The following ARL15 variants were observed in gnomAD, a reference collection of about 807,000 sequenced individuals.
ARL15 encodes ADP-ribosylation factor-like protein 15.
A neutral mutation model predicts 25.2 loss-of-function variants in ARL15; 19 were observed. The ratio of observed to expected loss-of-function variants is 0.75; its 90% CI spans 0.53 to 1.10. The LOEUF (loss-of-function observed/expected upper bound fraction) is 1.10, where lower values mean the gene tolerates loss of function less well. ARL15 is among the 50% of genes least tolerant of loss of function. The pLI is 0.00. For synonymous variants in ARL15, 94 were observed against 86.8 expected, an observed-to-expected ratio of 1.08 and a Z score of -0.46; for missense variants, 220 against 246.0, an observed-to-expected ratio of 0.89 and a Z score of 0.71.
chr5:54,308,658 A>C (rs1402534691), intron 1 of ARL15, among the ~76,000 whole-genome samples: 6 of 152,222 alleles, frequency 3.9e-5, no homozygotes, highest in African/African-American at 1.4e-4. Flanking sequence ...TTGGGCCCAC[A>C]AACATTCATC....
At chr5:53,909,382 T>C (rs917478953) in intron 4 of ARL15, among the ~76,000 whole-genome samples, 2 of 152,194 alleles carry the variant, frequency 1.3e-5, no homozygotes, top group African/African-American at 4.8e-5. Context: ...TAAGTGACTA[T>C]AGTTTTTGTA....
chr5:54,252,770 G>A (rs1757267562), intron 1 of ARL15, among the ~76,000 whole-genome samples: 1 of 152,156 alleles, frequency 6.6e-6, no homozygotes, highest in African/African-American at 2.4e-5. Flanking sequence ...TATCACCCAG[G>A]CTGGAGTGCA....
chr5:53,964,579 C>G (rs998972098), intron 4 of ARL15, among the ~76,000 whole-genome samples: 5 of 152,144 alleles, frequency 3.3e-5, no homozygotes, highest in Non-Finnish European at 7.3e-5. Context: ...CCAGGATGGT[C>G]TTGATCTCCT....
At position 54,040,093 on chromosome 5, in the gene ARL15, A is replaced by C. The variant is rs367608584; in HGVS notation, c.462+73109T>G. 2.3e-4 allele frequency among the ~76,000 whole-genome samples: 35 copies of C among 152,302 alleles called. No homozygotes were observed. The South Asian group carries it at 6.6e-3, about 29-fold the overall frequency. On this transcript the variant is annotated intron_variant, in intron 4 of 4. Coordinates refer to ENST00000504924, the MANE Select transcript of ARL15 (RefSeq NM_019087.3). Reference sequence around the variant, plus strand: ...GGATTTATTCTCCTGTAATTCACAGAAGAGCTCTGACCAAATTCTAATTTT... The same window carrying C: ...GGATTTATTCTCCTGTAATTCACAGCAGAGCTCTGACCAAATTCTAATTTT...
At chr5:54,227,801 G>A (rs1019546657) in intron 1 of ARL15, among the ~76,000 whole-genome samples, 1 of 152,190 alleles carries the variant, frequency 6.6e-6, no homozygotes, top group Non-Finnish European at 1.5e-5. Flanking sequence ...GAGAAGACAA[G>A]AAAACCCAGA....
Position 54,113,345 on chromosome 5 carries a change from A to G in ARL15, c.319T>C (p.Leu107=). The change falls in exon 4 of 5, where the codon TTA becomes CTA. Residue 107 remains leucine (L), a synonymous_variant. Transcript: ENST00000504924. The stretch of plus-strand genomic sequence containing the variant: ...TCATCCTCTGAAGAGGCACTGTCTA[A>G]TACAAATATTACCCCTTGAGATCCT... ...YQGSQGVIFV[L]DSASSEDDLE... is the part of the protein sequence containing the mutation. 6.2e-7 allele frequency: 1 copy of G among 1,613,978 alleles called. No individual in the cohort carries two copies. The highest frequency in any genetic ancestry group is 8.5e-7 in the Non-Finnish European group (1 of 1,179,862).
At chr5:54,280,717 G>C (rs1165599820) in intron 1 of ARL15, among the ~76,000 whole-genome samples, 1 of 152,200 alleles carries the variant, frequency 6.6e-6, no homozygotes. Flanking sequence ...AAGCAGATGA[G>C]TAAACAAGAT....
chr5:53,892,369 A>T (rs1324168607), intron 4 of ARL15, among the ~76,000 whole-genome samples: 1 of 152,114 alleles, frequency 6.6e-6, no homozygotes, highest in Non-Finnish European at 1.5e-5. Flanking sequence ...CCAAATACAA[A>T]AGGCCAGGAA....
intron 1 of ARL15, among the ~76,000 whole-genome samples, chr5:54,250,394 A>G (rs1579951837): frequency 6.6e-6 from 1 of 152,204 alleles, no homozygotes; most frequent in East Asian, 1.9e-4. Context: ...CAGGGAAATA[A>G]AAGCAGCAGG....
chr5:54,178,301 T>C (rs1418849401), intron 1 of ARL15, among the ~76,000 whole-genome samples: 1 of 152,240 alleles, frequency 6.6e-6, no homozygotes, highest in Non-Finnish European at 1.5e-5. Flanking sequence ...CTGAGCATGA[T>C]TTCAATTTGA....
At chr5:53,932,282 G>T (rs114798560) in intron 4 of ARL15, among the ~76,000 whole-genome samples, 4 of 152,204 alleles carry the variant, frequency 2.6e-5, no homozygotes, top group African/African-American at 9.7e-5. Flanking sequence ...GAAGGTGAGA[G>T]AAGGCAGTAG....
intron 1 of ARL15, among the ~76,000 whole-genome samples, chr5:54,218,209 G>A (rs575338447): frequency 1.3e-5 from 2 of 152,232 alleles, no homozygotes; most frequent in South Asian, 4.1e-4. Flanking sequence ...TTTTACCTCT[G>A]ACTTTTAAAG....
At chr5:54,275,318 G>A (rs979236138) in intron 1 of ARL15, among the ~76,000 whole-genome samples, 22 of 152,124 alleles carry the variant, frequency 1.4e-4, no homozygotes, top group Non-Finnish European at 5.9e-5. Context: ...CATTCTATAT[G>A]CCCCCTTAGG....
intron 3 of ARL15, 152 bp downstream of exon 3, chr5:54,154,428 G>C: frequency 1.7e-6 from 1 of 576,308 alleles, no homozygotes; most frequent in Non-Finnish European, 3.0e-6. Context: ...AACATACGAA[G>C]AGAAGGAAAT....
At chr5:54,081,821 G>A (rs1384685398) in intron 4 of ARL15, among the ~76,000 whole-genome samples, 1 of 152,106 alleles carries the variant, frequency 6.6e-6, no homozygotes, top group African/African-American at 2.4e-5. Flanking sequence ...GCTAGGTATG[G>A]TGGCTCATGC....
chr5:54,302,683 ATTTTTTTTTTTTT>A (rs372704359), intron 1 of ARL15, among the ~76,000 whole-genome samples: 4 of 77,860 alleles, frequency 5.1e-5, no homozygotes, highest in Middle Eastern at 0.013. Flanking sequence ...TAAAATTAAG[ATTTTTTTTTTTTT>A]TTTTTTTTTT....
intron 3 of ARL15, among the ~76,000 whole-genome samples, chr5:54,138,649 CA>C (rs1274637986): frequency 6.6e-6 from 1 of 151,804 alleles, no homozygotes; most frequent in African/African-American, 2.4e-5. Flanking sequence ...GCAAATGCAA[CA>C]AAAACAAAAA....
chr5:54,213,934 T>G (rs1756112002), intron 1 of ARL15, among the ~76,000 whole-genome samples: 1 of 152,206 alleles, frequency 6.6e-6, no homozygotes, highest in African/African-American at 2.4e-5. Flanking sequence ...GAGCAACAAT[T>G]GTTTTTGCTA....
chr5:53,962,890 G>A (rs543415425), intron 4 of ARL15, among the ~76,000 whole-genome samples: 2 of 152,090 alleles, frequency 1.3e-5, no homozygotes, highest in Non-Finnish European at 2.9e-5. Context: ...AGTGAGGGCT[G>A]TAAAACTAAT....
Sources: gnomAD v4.1 joint callset for allele counts (sites outside exome capture counted in the v4.1 genomes callset) on GRCh38, gnomAD v4.1.1 for gene constraint, MANE v1.5 for transcripts, NCBI Gene and HGNC (gene_info 2026-07-23, HGNC 2026-07-21) for gene names.